SYNE1: variants seen among roughly 807,000 people sequenced by gnomAD.
SYNE1 encodes the protein spectrin repeat containing nuclear envelope protein 1, also known as nesprin-1.
In SYNE1, 616 loss-of-function variants were observed where a neutral mutation model predicts 1,111.0. That is an observed-to-expected ratio of 0.55 (90% CI 0.52 to 0.59). The LOEUF is 0.59. Among genes scored for constraint, SYNE1 ranks in the 20% least tolerant of loss-of-function variants. The probability of loss-of-function intolerance (pLI) is 0.00; values close to 1 mark genes in which losing one functional copy is unlikely to be tolerated. For synonymous variants in SYNE1, 3,855 were observed against 3,825.8 expected (o/e 1.01, Z -0.28); for missense variants, 10,006 against 10,417.0 (o/e 0.96, Z 1.72).
intron 95 of SYNE1, among the ~76,000 whole-genome samples, chr6:152,292,186 A>G (rs2094637362): frequency 3.3e-5 from 5 of 152,204 alleles, no homozygotes; most frequent in Admixed American, 3.3e-4. Context: ...TTTAGAAAGG[A>G]GAGGGGTTTG....
At chr6:152,304,543 C>T (rs1412432841) in intron 91 of SYNE1, among the ~76,000 whole-genome samples, 2 of 152,080 alleles carry the variant, frequency 1.3e-5, no homozygotes, top group African/African-American at 2.4e-5. Flanking sequence ...AAGCTGGTCT[C>T]GAACTCCTGA....
chr6:152,353,270 G>A lies in SYNE1; in HGVS notation c.11246C>T (p.Thr3749Met), dbSNP rs778034684. The change falls in exon 69 of 146, where the codon ACG becomes ATG. Residue 3749 changes from threonine to methionine, a missense_variant. Thr to Met is a moderately conservative substitution (Grantham distance 81). This residue lies in a region of SYNE1 where 4,955 missense variants were observed against 5,017.2 expected (regional missense o/e 0.99). Coordinates refer to ENST00000367255, the MANE Select transcript of SYNE1 (RefSeq NM_182961.4). ...TGAAGTATGCGTGCCTACCTCCAAC[G>A]TCTTCAATTTCTTCCCCATCATTAC... Reference protein sequence around the residue: ...DTVMMGKKLKTLEVLLKDMEK... With the variant: ...DTVMMGKKLKMLEVLLKDMEK... 2.7e-5 allele frequency: 44 copies of A among 1,613,972 alleles called. No individual in the cohort carries two copies. The highest frequency in any genetic ancestry group is 8.8e-5 in the South Asian group (8 of 91,074).
intron 50 of SYNE1, 60 bp downstream of exon 50, chr6:152,396,715 C>G (rs1591838120): frequency 6.8e-7 from 1 of 1,467,776 alleles, no homozygotes; most frequent in Non-Finnish European, 9.5e-7. Flanking sequence ...ACTCTTTTCT[C>G]TAAGCCTTTA....
intron 5 of SYNE1, among the ~76,000 whole-genome samples, 162 bp from the exon 6 acceptor site, chr6:152,520,704 T>G (rs1335149611): frequency 6.6e-6 from 1 of 152,176 alleles, no homozygotes; most frequent in Admixed American, 6.6e-5. Context: ...AAAGGGGTGT[T>G]CCCCATGGCA....
intron 30 of SYNE1, among the ~76,000 whole-genome samples, chr6:152,442,488 A>G (rs1325312813): frequency 6.6e-6 from 1 of 152,212 alleles, no homozygotes; most frequent in Non-Finnish European, 1.5e-5. Context: ...TTTGTGTGCA[A>G]ATTTGGAGAA....
rs192486455 is a variant in SYNE1, at chr6:152,297,644, C to T, written c.17682+2997G>A. ...ACATGTAAAGTAATACTATTACTGT[C>T]CATAAGGAAAAGCAGGAATGCCTTT... is the stretch of plus-strand genomic sequence containing the variant. On this transcript the variant is annotated intron_variant, in intron 93 of 145. Coordinates refer to ENST00000367255, the MANE Select transcript of SYNE1 (RefSeq NM_182961.4). 2.1e-3 allele frequency among the ~76,000 whole-genome samples: 323 copies of T among 152,158 alleles called. 2 individuals are homozygous for T. The highest frequency in any genetic ancestry group is 7.2e-3 in the African/African-American group (299 of 41,492).
chr6:152,409,142 G>C lies in SYNE1; in HGVS notation c.6466C>G (p.Leu2156Val). The stretch of plus-strand genomic sequence containing the variant: ...AAATCACTACTGTGAATTTTCTTCA[G>C]CTCAGATAACAAGTGTTTTCCTTTG... ...TSKGKHLLSELKKIHSSDFSL... is the reference protein window; with the variant it reads ...TSKGKHLLSEVKKIHSSDFSL... Residue 2156 changes from leucine (L) to valine (V), a missense_variant, in exon 44 of 146, where the codon CTG (leucine) becomes GTG (valine). By Grantham distance (32) the Leu-to-Val change is conservative. Around this residue, in one of 7 missense-constraint regions of SYNE1, gnomAD observed 4,955 missense variants for 5,017.2 expected, o/e 0.99. Coordinates refer to ENST00000367255, the MANE Select transcript of SYNE1 (RefSeq NM_182961.4). The C allele has an allele frequency of 6.2e-7, 1 of 1,614,074 alleles. No individual in the cohort carries two copies. The highest frequency in any genetic ancestry group is 8.5e-7 in the Non-Finnish European group (1 of 1,179,982).
Position 152,387,150 on chromosome 6 carries a change from C to T in SYNE1, c.8409G>A (p.Lys2803=), listed in dbSNP as rs889204216. Residue 2803 remains lysine (K), a synonymous_variant, in exon 54 of 146, where the codon AAG becomes AAA. Transcript: ENST00000367255. ...LIAKSRELYE[K]TEDESFKDTA... ...TGTCCTTGAAAGACTCATCCTCTGT[C>T]TTTTCGTAGAGCTCCCTGGACTTCG... 1.2e-6 allele frequency: 2 copies of T among 1,614,074 alleles called. No individual in the cohort carries two copies. Among genetic ancestry groups the T allele is most frequent in the Non-Finnish European group, 1.7e-6 (2 of 1,180,034 alleles).
chr6:152,383,901 C>A (rs112499134), intron 55 of SYNE1, among the ~76,000 whole-genome samples: 5 of 152,190 alleles, frequency 3.3e-5, no homozygotes. Flanking sequence ...CAGGCTCCTC[C>A]GCATGCAATT....
intron 81 of SYNE1, among the ~76,000 whole-genome samples, chr6:152,324,101 A>T (rs1037826327): frequency 1.3e-5 from 2 of 152,238 alleles, no homozygotes; most frequent in African/African-American, 2.4e-5. Flanking sequence ...TAAACCTTTA[A>T]AGATGGAAAA....
chr6:152,269,413 A>C, intron 98 of SYNE1, 127 bp from the exon 99 acceptor site: 1 of 1,384,954 alleles, frequency 7.2e-7, no homozygotes, highest in Non-Finnish European at 9.8e-7. Flanking sequence ...ATGTGAAACC[A>C]CATTTTTTAA....
At chr6:152,310,144 C>T in intron 89 of SYNE1, 127 bp from the exon 90 acceptor site, 1 of 1,288,206 alleles carries the variant, frequency 7.8e-7, no homozygotes, top group Non-Finnish European at 1.1e-6. Flanking sequence ...ATGTTTAAAA[C>T]AGTGTTGAGT....
At chr6:152,191,900 T>G (rs538125837) in intron 127 of SYNE1, among the ~76,000 whole-genome samples, 1 of 152,198 alleles carries the variant, frequency 6.6e-6, no homozygotes, top group African/African-American at 2.4e-5. Context: ...ACTTCCATCT[T>G]AGTACTGCTT....
chr6:152,124,861 G>A (rs936223930), intron 145 of SYNE1, among the ~76,000 whole-genome samples: 1 of 152,186 alleles, frequency 6.6e-6, no homozygotes, highest in African/African-American at 2.4e-5. Flanking sequence ...AATTTTGTAG[G>A]GGAGTAGCTA....
In SYNE1 at chr6:152,132,233, C is replaced by A. The variant is rs1462134634; in HGVS notation, c.26002-19G>T. On this transcript the variant is annotated intron_variant, in intron 143 of 145. Transcript: ENST00000367255. ...ACAAATCCTATGTGGGAGAAAGATT[C>A]TTTTAACAACTCCATGTCCCAGACC... 4 of 1,610,046 alleles carry A rather than the reference C, an allele frequency of 2.5e-6. No homozygotes were observed. The highest frequency in any genetic ancestry group is 2.2e-5 in the South Asian group (2 of 90,998).
At position 152,125,467 on chromosome 6, in the gene SYNE1, C is replaced by A. The variant is rs1417808631; in HGVS notation, c.26154-2791G>T. Reference sequence around the variant, plus strand: ...TGGGCAAGTAAATTAGTCTCTCTGGCCTTCAGTTTTCTCATTTGCAATGAT... The same window carrying A: ...TGGGCAAGTAAATTAGTCTCTCTGGACTTCAGTTTTCTCATTTGCAATGAT... On this transcript the variant is annotated intron_variant, in intron 145 of 145. Coordinates refer to ENST00000367255, the MANE Select transcript of SYNE1 (RefSeq NM_182961.4). 9.1e-6 allele frequency: 12 copies of A among 1,313,086 alleles called. No homozygotes were observed. The South Asian group carries it at 1.8e-4, about 19-fold the overall frequency. 81.3% of individuals were successfully genotyped at this position (1,313,086 alleles called of 1,614,324 possible). A position where few individuals can be genotyped will look rare whatever the true frequency, so the allele number is the denominator to read the frequency against.
chr6:152,407,218 T>G (rs778070538), intron 44 of SYNE1, 22 bp from the exon 45 acceptor site: 1 of 1,612,638 alleles, frequency 6.2e-7, no homozygotes, highest in Admixed American at 1.7e-5. Flanking sequence ...ACAGAAGCCA[T>G]GGCATTCATA....
At chr6:152,372,885 C>A in intron 59 of SYNE1, 152 bp downstream of exon 59, 1 of 823,912 alleles carries the variant, frequency 1.2e-6, no homozygotes. Flanking sequence ...TTGGGCTATT[C>A]CTTACTGTTA....
intron 28 of SYNE1, among the ~76,000 whole-genome samples, chr6:152,448,608 G>A (rs774687695): frequency 2.0e-5 from 3 of 152,130 alleles, no homozygotes; most frequent in Admixed American, 6.5e-5. Context: ...TTGGGAGGCC[G>A]AGCAGGGCGG....
Sources: allele counts gnomAD v4.1 joint callset (sites outside exome capture counted in the v4.1 genomes callset), GRCh38; gene constraint gnomAD v4.1.1; regional missense constraint gnomAD v4.1.1; transcripts MANE v1.5; gene names NCBI Gene and HGNC (gene_info 2026-07-23, HGNC 2026-07-21).